SPP2: variants seen among roughly 807,000 people sequenced by gnomAD.
SPP2 encodes the protein secreted phosphoprotein 2, also known as secreted phosphoprotein 24.
A neutral mutation model predicts 28.8 loss-of-function variants in SPP2; 34 were observed. The ratio of observed to expected loss-of-function variants is 1.18; its 90% CI spans 0.90 to 1.57. The LOEUF (loss-of-function observed/expected upper bound fraction) is 1.57. SPP2 is among the 40% of genes most tolerant of loss of function. The probability of loss-of-function intolerance (pLI) is 0.00; values close to 1 mark genes in which losing one functional copy is unlikely to be tolerated. For synonymous variants in SPP2, 96 were observed against 89.4 expected (o/e 1.07, Z -0.42); for missense variants, 269 against 263.9 (o/e 1.02, Z -0.13).
At chr2:234,076,594 G>A (rs1421848041) in intron 7 of SPP2, among the ~76,000 whole-genome samples, 2 of 152,070 alleles carry the variant, frequency 1.3e-5, no homozygotes, top group East Asian at 1.9e-4. Flanking sequence ...GCTGGATGGC[G>A]TATCCTGATC....
chr2:234,067,001 CCTT>C (rs1693835301), intron 5 of SPP2, among the ~76,000 whole-genome samples: 1 of 152,152 alleles, frequency 6.6e-6, no homozygotes, highest in Admixed American at 6.6e-5. Flanking sequence ...GAAGGGCTCT[CCTT>C]CTTTCTTTTC....
At chr2:234,059,762 G>A (rs1415402066) in intron 3 of SPP2, among the ~76,000 whole-genome samples, 1 of 152,138 alleles carries the variant, frequency 6.6e-6, no homozygotes, top group Non-Finnish European at 1.5e-5. Context: ...AGTCATCATG[G>A]CAGATTGGCA....
intron 6 of SPP2, among the ~76,000 whole-genome samples, chr2:234,069,184 T>C (rs1362750145): frequency 7.8e-6 from 1 of 128,346 alleles, no homozygotes; most frequent in Admixed American, 7.9e-5. Flanking sequence ...AGATGATTAT[T>C]TGAGAGAAAG....
At chr2:234,075,888 T>G (rs1454236262) in intron 7 of SPP2, among the ~76,000 whole-genome samples, 1 of 152,192 alleles carries the variant, frequency 6.6e-6, no homozygotes, top group Admixed American at 6.5e-5. Context: ...CCCCCAGGCC[T>G]GAAGCAGATG....
Position 234,067,218 on chromosome 2 carries a change from T to C in SPP2, c.500-6T>C, listed in dbSNP as rs1216453809. On this transcript the variant is annotated splice_region_variant and splice_polypyrimidine_tract_variant and intron_variant, in intron 5 of 7. Transcript: ENST00000168148. ...GTCTTGTCTTATGATTATTACTGTG[T>C]TACAGGTCTCATTTCAGACGAGTCC... 2.5e-6 allele frequency: 4 copies of C among 1,613,066 alleles called. No homozygotes were observed. The highest frequency in any genetic ancestry group is 1.7e-5 in the Admixed American group (1 of 59,982).
At chr2:234,074,337 A>G (rs1690855507) in intron 7 of SPP2, among the ~76,000 whole-genome samples, 1 of 152,168 alleles carries the variant, frequency 6.6e-6, no homozygotes, top group Non-Finnish European at 1.5e-5. Flanking sequence ...TCTGCTTATC[A>G]TCAACTATGT....
rs1435029293 is a variant in SPP2, at chr2:234,070,073, G to C, written c.*10+50G>C. ...GTGTATTTAGAAATAGAAGCTACGTGGAGTGAACGCCTTAAAACTGCTGAC... is the reference window on the plus strand; with the variant it reads ...GTGTATTTAGAAATAGAAGCTACGTCGAGTGAACGCCTTAAAACTGCTGAC... On this transcript the variant is annotated intron_variant, in intron 7 of 7. Transcript: ENST00000168148. 3 of 1,462,286 alleles carry C rather than the reference G, an allele frequency of 2.1e-6. No homozygotes were observed. The Admixed American group carries it at 5.1e-5, about 25-fold the overall frequency. 90.6% of individuals were successfully genotyped at this position (1,462,286 alleles called of 1,614,324 possible). A position where few individuals can be genotyped will look rare whatever the true frequency, so the allele number is the denominator to read the frequency against.
chr2:234,071,541 T>C (rs752400021), intron 7 of SPP2, among the ~76,000 whole-genome samples: 1 of 152,238 alleles, frequency 6.6e-6, no homozygotes, highest in Non-Finnish European at 1.5e-5. Flanking sequence ...AATCTCAAGA[T>C]GGAATTATAG....
In SPP2 at chr2:234,067,282, A is replaced by T. The variant is rs1298247452; in HGVS notation, c.550+8A>T. 3 of 1,613,778 alleles carry T rather than the reference A, an allele frequency of 1.9e-6. No individual in the cohort carries two copies. Among genetic ancestry groups the T allele is most frequent in the African/African-American group, 2.7e-5 (2 of 74,902 alleles). ...TTTATGATCGGTCACTTGGTAAGTG[A>T]TTTCTTTCCTGCTGTGCCACCAGAC... On this transcript the variant is annotated splice_region_variant and intron_variant, in intron 6 of 7. Transcript: ENST00000168148.
chr2:234,050,782 C>T lies in SPP2; in HGVS notation c.-5C>T. Reference sequence around the variant, plus strand: ...AGAGACACTCTCTGTCTCTCGATTACAATCATGATTTCCAGAATGGAGAAG... The same window carrying T: ...AGAGACACTCTCTGTCTCTCGATTATAATCATGATTTCCAGAATGGAGAAG... On this transcript the variant is annotated 5_prime_UTR_variant, in exon 1 of 8. Coordinates refer to ENST00000168148, the MANE Select transcript of SPP2 (RefSeq NM_006944.3). The T allele has an allele frequency of 6.2e-7, 1 of 1,613,344 alleles. No individual in the cohort carries two copies.
chr2:234,053,546 G>T (rs186560988), intron 2 of SPP2, among the ~76,000 whole-genome samples: 1 of 151,628 alleles, frequency 6.6e-6, no homozygotes. Context: ...GTCTCTGAGG[G>T]CGGGACTCAT....
At chr2:234,061,992 G>A (rs1372600244) in intron 4 of SPP2, among the ~76,000 whole-genome samples, 1 of 152,202 alleles carries the variant, frequency 6.6e-6, no homozygotes, top group East Asian at 1.9e-4. Flanking sequence ...ACATTCTGCT[G>A]TAACACACTC....
chr2:234,060,683 G>T (rs17864805), intron 4 of SPP2, among the ~76,000 whole-genome samples: 43,414 of 151,330 alleles, frequency 0.29, 6,360 homozygotes, highest in South Asian at 0.49. Context: ...TCTTTCACTC[G>T]TGTATGTCCT....
chr2:234,060,467 C>G lies in SPP2; in HGVS notation c.432C>G (p.Tyr144Ter), dbSNP rs138191546. The G allele has an allele frequency of 6.2e-7, 1 of 1,613,618 alleles. No individual in the cohort carries two copies. Among genetic ancestry groups the G allele is most frequent in the South Asian group, 1.1e-5 (1 of 91,034 alleles). ...CSWSSSTSESYSSEEMIFGDM... is the reference protein window; with the variant it reads ...CSWSSSTSES ...GGTCCTCCTCCACGTCTGAGTCTTA[C>G]AGCAGCGAAGAGGTATGACTGGGGC... is the stretch of plus-strand genomic sequence containing the variant. Residue 144 changes from tyrosine to a stop codon, truncating the protein, a stop_gained, in exon 4 of 8, where the codon TAC becomes TAG. Coordinates refer to ENST00000168148, the MANE Select transcript of SPP2 (RefSeq NM_006944.3). LOFTEE classifies it high-confidence loss of function.
chr2:234,054,511 T>TCTGGTG (rs770972209), intron 2 of SPP2, among the ~76,000 whole-genome samples: 6 of 152,108 alleles, frequency 3.9e-5, no homozygotes, highest in Non-Finnish European at 5.9e-5. Context: ...GCCAGCATGG[T>TCTGGTG]CTGGTTCTGG....
At chr2:234,073,474 G>T (rs141612963) in intron 7 of SPP2, among the ~76,000 whole-genome samples, 3 of 152,126 alleles carry the variant, frequency 2.0e-5, no homozygotes, top group African/African-American at 4.8e-5. Flanking sequence ...AATCCCCAGA[G>T]CCCTAAACAC....
chr2:234,052,166 A>G (rs142936076), intron 2 of SPP2, among the ~76,000 whole-genome samples: 15 of 152,250 alleles, frequency 9.9e-5, no homozygotes, highest in Non-Finnish European at 2.1e-4. Flanking sequence ...GCCATTCCAG[A>G]ATCATGGCCA....
intron 7 of SPP2, among the ~76,000 whole-genome samples, chr2:234,070,243 G>A (rs1040983507): frequency 2.6e-5 from 4 of 152,100 alleles, no homozygotes; most frequent in Non-Finnish European, 5.9e-5. Flanking sequence ...CCACTGATGT[G>A]GTCAAGTCTG....
chr2:234,068,501 A>G (rs542906232), intron 6 of SPP2, among the ~76,000 whole-genome samples: 14 of 152,202 alleles, frequency 9.2e-5, no homozygotes, highest in Admixed American at 3.3e-4. Flanking sequence ...CAATGAGCTC[A>G]AAGTCTGACC....
Sources: allele counts gnomAD v4.1 joint callset (sites outside exome capture counted in the v4.1 genomes callset), GRCh38; gene constraint gnomAD v4.1.1; transcripts MANE v1.5; gene names NCBI Gene and HGNC (gene_info 2026-07-23, HGNC 2026-07-21).